Variants in GAS2 observed in about 807,000 individuals in gnomAD.
GAS2 encodes the protein growth arrest specific 2.
In GAS2, 20 loss-of-function variants were observed where a neutral mutation model predicts 37.5. The ratio of observed to expected loss-of-function variants is 0.53; its 90% CI spans 0.37 to 0.77. GAS2 has a LOEUF of 0.77. Ranked by LOEUF, GAS2 falls within the 30% of genes least tolerant of loss-of-function variation. GAS2 has a pLI of 0.00. For synonymous variants in GAS2, 144 were observed against 132.2 expected (o/e 1.09, Z -0.61); for missense variants, 336 against 373.4 (o/e 0.90, Z 0.82).
Position 22,811,901 on chromosome 11 carries a change from G to A in GAS2, c.827G>A (p.Arg276His), listed in dbSNP as rs752428470. The change falls in exon 8 of 8, where the codon CGT (arginine) becomes CAT (histidine). Residue 276 changes from arginine to histidine, a missense_variant. Coordinates refer to ENST00000454584, the MANE Select transcript of GAS2 (RefSeq NM_001143830.3). ...HDPCRMLQIS[R>H]VDGKTSPIQS... ...CCCTGCCGAATGCTGCAGATCTCCC[G>A]TGTGGATGGCAAAACATCCCCTATC... The A allele has an allele frequency of 4.3e-6, 7 of 1,614,090 alleles. No individual in the cohort carries two copies. The highest frequency in any genetic ancestry group is 1.7e-5 in the Admixed American group (1 of 59,992).
At chr11:22,653,260 A>G (rs1297990335) in intron 1 of GAS2, among the ~76,000 whole-genome samples, 1 of 152,132 alleles carries the variant, frequency 6.6e-6, no homozygotes, top group Non-Finnish European at 1.5e-5. Flanking sequence ...GTACTCAGAA[A>G]AAAAGAGAGC....
At chr11:22,703,365 T>C (rs753439587) in intron 3 of GAS2, among the ~76,000 whole-genome samples, 2 of 152,164 alleles carry the variant, frequency 1.3e-5, no homozygotes, top group Non-Finnish European at 2.9e-5. Context: ...ACTGTGGATG[T>C]AGAATATTTT....
intron 1 of GAS2, among the ~76,000 whole-genome samples, chr11:22,648,405 G>A (rs1184270147): frequency 1.3e-5 from 2 of 152,040 alleles, no homozygotes; most frequent in South Asian, 2.1e-4. Flanking sequence ...TTGGTGATGC[G>A]GGCTCTTTTT....
chr11:22,759,894 C>T (rs1169164870), intron 7 of GAS2, among the ~76,000 whole-genome samples: 2 of 152,210 alleles, frequency 1.3e-5, no homozygotes, highest in African/African-American at 2.4e-5. Flanking sequence ...AATTGAAATC[C>T]GAATGAGCCT....
chr11:22,755,594 C>T (rs957282468), intron 6 of GAS2: 95 of 324,642 alleles, frequency 2.9e-4, no homozygotes, highest in East Asian at 2.2e-4. Flanking sequence ...GTTTCCTGCT[C>T]ATTATCCTCC....
chr11:22,703,651 T>C (rs1850957753), intron 3 of GAS2, among the ~76,000 whole-genome samples: 1 of 152,292 alleles, frequency 6.6e-6, no homozygotes, highest in East Asian at 1.9e-4. Context: ...GTGTGTGTGG[T>C]CCAAGGTATG....
At position 22,674,881 on chromosome 11, in the gene GAS2, T is replaced by C; in HGVS notation, c.12T>C (p.Ala4=). 10 of 1,610,852 alleles carry C rather than the reference T, an allele frequency of 6.2e-6. No homozygotes were observed. The highest frequency in any genetic ancestry group is 8.5e-6 in the Non-Finnish European group (10 of 1,178,756). ...CAAGTGGATAAATAATGTGCACTGCTCTGAGCCCAAAGGTACGCAGTGGAC... is the reference window on the plus strand; with the variant it reads ...CAAGTGGATAAATAATGTGCACTGCCCTGAGCCCAAAGGTACGCAGTGGAC... MCT[A]LSPKVRSGPG... Residue 4 remains alanine (A), a synonymous_variant, in exon 2 of 8, where the codon GCT becomes GCC. Coordinates refer to ENST00000454584, the MANE Select transcript of GAS2 (RefSeq NM_001143830.3).
chr11:22,713,869 C>A (rs939313727), intron 3 of GAS2, among the ~76,000 whole-genome samples: 3 of 152,016 alleles, frequency 2.0e-5, no homozygotes, highest in Non-Finnish European at 2.9e-5. Flanking sequence ...AATCTTGAAA[C>A]AAAACCTTGA....
At chr11:22,706,441 G>A (rs1184609014) in intron 3 of GAS2, among the ~76,000 whole-genome samples, 11 of 151,760 alleles carry the variant, frequency 7.2e-5, no homozygotes, top group African/African-American at 1.7e-4. Flanking sequence ...CCACTAACTC[G>A]TCATCTAGCA....
chr11:22,785,619 G>A (rs1234815063), intron 7 of GAS2, among the ~76,000 whole-genome samples: 1 of 152,112 alleles, frequency 6.6e-6, no homozygotes, highest in East Asian at 1.9e-4. Flanking sequence ...CAAGTTTTGT[G>A]GGGGACTCTT....
At chr11:22,790,677 G>A (rs1302663942) in intron 7 of GAS2, among the ~76,000 whole-genome samples, 2 of 150,436 alleles carry the variant, frequency 1.3e-5, no homozygotes, top group African/African-American at 2.5e-5. Context: ...TGGCCAGGCT[G>A]GTCTCGAAGT....
At chr11:22,785,198 A>G (rs894581556) in intron 7 of GAS2, among the ~76,000 whole-genome samples, 4 of 152,232 alleles carry the variant, frequency 2.6e-5, no homozygotes, top group South Asian at 4.1e-4. Flanking sequence ...AAAAACAAAA[A>G]TCCCCCCATA....
intron 4 of GAS2, among the ~76,000 whole-genome samples, chr11:22,727,356 A>G (rs541970524): frequency 1.3e-5 from 2 of 152,210 alleles, no homozygotes; most frequent in African/African-American, 2.4e-5. Context: ...AAGTAAGGTG[A>G]GCATCCTTCA....
chr11:22,810,265 TG>T (rs1322776683), intron 7 of GAS2, among the ~76,000 whole-genome samples: 2 of 152,184 alleles, frequency 1.3e-5, no homozygotes, highest in Non-Finnish European at 2.9e-5. Flanking sequence ...AGGAAGCACA[TG>T]GTCTATTAGG....
intron 7 of GAS2, among the ~76,000 whole-genome samples, chr11:22,775,111 A>G (rs1026086475): frequency 6.6e-6 from 1 of 152,182 alleles, no homozygotes; most frequent in Non-Finnish European, 1.5e-5. Flanking sequence ...GCTCATGGAG[A>G]GCTACCTGTA....
intron 3 of GAS2, among the ~76,000 whole-genome samples, chr11:22,696,158 G>C (rs1414123390): frequency 1.4e-5 from 2 of 140,210 alleles, no homozygotes; most frequent in East Asian, 4.2e-4. Flanking sequence ...TGTTCTCATT[G>C]TTCAGTTCCC....
intron 7 of GAS2, among the ~76,000 whole-genome samples, chr11:22,790,224 A>AC (rs1338687075): frequency 6.6e-6 from 1 of 152,118 alleles, no homozygotes; most frequent in East Asian, 1.9e-4. Context: ...TAACATCCAC[A>AC]CCACCCCTGG....
upstream of GAS2, among the ~76,000 whole-genome samples, chr11:22,665,885 C>T (rs1051534351): frequency 1.3e-5 from 2 of 152,178 alleles, no homozygotes; most frequent in African/African-American, 2.4e-5. Context: ...AAGCAAGGAT[C>T]ACAATACCTG....
chr11:22,636,276 A>T (rs1200845997), intron 1 of GAS2, among the ~76,000 whole-genome samples: 1 of 152,150 alleles, frequency 6.6e-6, no homozygotes, highest in Non-Finnish European at 1.5e-5. Context: ...GTATTAAATT[A>T]AGATGTCATT....
Sources: gnomAD v4.1 joint callset for allele counts (sites outside exome capture counted in the v4.1 genomes callset) on GRCh38, gnomAD v4.1.1 for gene constraint, MANE v1.5 for transcripts, NCBI Gene and HGNC (gene_info 2026-07-23, HGNC 2026-07-21) for gene names.